Variants in ZNF141 observed in about 807,000 individuals in gnomAD.
ZNF141 encodes zinc finger protein 141 (clone pHZ-44).
Under a neutral mutation model 11.3 loss-of-function variants are expected in ZNF141, and 7 were observed. That is an observed-to-expected ratio of 0.62 (90% CI 0.35 to 1.16). The LOEUF (loss-of-function observed/expected upper bound fraction) is 1.16, where lower values mean the gene tolerates loss of function less well. Ranked by LOEUF, ZNF141 falls within the 50% of genes most tolerant of loss-of-function variation. The pLI is 0.02. For missense variants in ZNF141, 535 were observed against 554.0 expected (o/e 0.97, Z 0.34); for synonymous variants, 183 against 190.7 (o/e 0.96, Z 0.33).
intron 3 of ZNF141, among the ~76,000 whole-genome samples, chr4:344,963 G>A (rs868980254): frequency 5.3e-5 from 8 of 152,240 alleles, no homozygotes; most frequent in Middle Eastern, 3.4e-3. Context: ...CTCCCTTTAA[G>A]TTTACAGGGA....
chr4:362,598 C>T (rs537463414), intron 3 of ZNF141, among the ~76,000 whole-genome samples: 1 of 152,316 alleles, frequency 6.6e-6, no homozygotes, highest in East Asian at 1.9e-4. Context: ...TTACATATGG[C>T]TAGCCAGTTT....
At chr4:345,113 G>A (rs1381242377) in intron 3 of ZNF141, among the ~76,000 whole-genome samples, 29 of 152,106 alleles carry the variant, frequency 1.9e-4, no homozygotes, top group African/African-American at 6.3e-4. Context: ...TTCGTATTAT[G>A]TCTAAAATGT....
In ZNF141 at chr4:380,524, C is replaced by T. The variant is rs546851271; in HGVS notation, c.*6662C>T. Among the ~76,000 whole-genome samples the T allele has an allele frequency of 1.9e-4, 29 of 151,876 alleles. No homozygotes were observed. The highest frequency in any genetic ancestry group is 1.1e-3 in the Admixed American group (17 of 15,246). On this transcript the variant is annotated 3_prime_UTR_variant, in exon 4 of 4. Transcript: ENST00000240499. ...AAAATTAGCTGGGTGTGGTGTCAGG[C>T]GCCTGTAATCCCAGCTACTCAAGAG...
Position 339,227 on chromosome 4 carries a change from C to T in ZNF141, c.3+1241C>T, listed in dbSNP as rs1295364920. Among the ~76,000 whole-genome samples the T allele has an allele frequency of 2.0e-5, 3 of 152,210 alleles. No homozygotes were observed. The East Asian group carries it at 5.8e-4, about 29-fold the overall frequency. On this transcript the variant is annotated intron_variant, in intron 1 of 3. Coordinates refer to ENST00000240499, the MANE Select transcript of ZNF141 (RefSeq NM_003441.4). ...GAAGACTCCTGGTTCATTTTAACCC[C>T]AGATCTGTAGCAGGAATCTGTTTTC...
At position 381,400 on chromosome 4, in the gene ZNF141, C is replaced by CTTTTTTTTT. The variant is rs34721227; in HGVS notation, c.*7556_*7564dup. Among the ~76,000 whole-genome samples the CTTTTTTTTT allele has an allele frequency of 6.8e-4, 52 of 76,946 alleles. 4 individuals are homozygous for CTTTTTTTTT. Among genetic ancestry groups the CTTTTTTTTT allele is most frequent in the African/African-American group, 2.9e-3 (48 of 16,448 alleles). 50.5% of individuals were successfully genotyped at this position (76,946 alleles called of 152,430 possible). On this transcript the variant is annotated 3_prime_UTR_variant, in exon 4 of 4. Transcript: ENST00000240499. ...CTATTTAATACAGACTTCAAATGTG[C>CTTTTTTTTT]TTTTTTTTTTTTTTTTTTTTTTTTT...
intron 3 of ZNF141, among the ~76,000 whole-genome samples, chr4:347,033 T>C (rs1348932629): frequency 7.2e-6 from 1 of 139,122 alleles, no homozygotes; most frequent in South Asian, 2.3e-4. Flanking sequence ...TACTTCTAGT[T>C]TTATTCTTTT....
At chr4:353,943 C>T (rs779157145) in intron 3 of ZNF141, among the ~76,000 whole-genome samples, 8 of 152,176 alleles carry the variant, frequency 5.3e-5, no homozygotes, top group Non-Finnish European at 1.0e-4. Flanking sequence ...AATGGTATGG[C>T]CGTGCTTCTC....
intron 3 of ZNF141, among the ~76,000 whole-genome samples, chr4:351,762 G>C (rs1553850478): frequency 6.6e-6 from 1 of 152,076 alleles, no homozygotes; most frequent in Non-Finnish European, 1.5e-5. Flanking sequence ...CAATAGCCCC[G>C]TAATGTGTTG....
chr4:355,449 T>G (rs1469927737), intron 3 of ZNF141, among the ~76,000 whole-genome samples: 2 of 152,144 alleles, frequency 1.3e-5, no homozygotes, highest in Non-Finnish European at 2.9e-5. Flanking sequence ...CAGGTGATTC[T>G]GCTGCCTGGG....
rs34905613 is a variant in ZNF141 at position 381,946 on chromosome 4, C to CTTTT, written c.*8100_*8103dup. 1.8e-4 allele frequency among the ~76,000 whole-genome samples: 19 copies of CTTTT among 105,930 alleles called. 1 individual carries two copies. Among genetic ancestry groups the CTTTT allele is most frequent in the South Asian group, 1.3e-3 (4 of 3,100 alleles). The allele number at this position is 105,930 out of a possible 152,430, so 69.5% of individuals were successfully genotyped here. The stretch of plus-strand genomic sequence containing the variant: ...CTAGGGCCACCACCATCTCTGGGAA[C>CTTTT]TTTTTTTTTTTTTTTTTTTGAGACG... On this transcript the variant is annotated 3_prime_UTR_variant, in exon 4 of 4. Transcript: ENST00000240499.
intron 3 of ZNF141, among the ~76,000 whole-genome samples, chr4:372,055 G>A (rs963723351): frequency 5.9e-5 from 9 of 152,142 alleles, no homozygotes; most frequent in Non-Finnish European, 1.3e-4. Context: ...CTGGAATTTT[G>A]TGTTTATTTT....
chr4:370,630 G>T (rs1712008474), intron 3 of ZNF141, among the ~76,000 whole-genome samples: 1 of 152,010 alleles, frequency 6.6e-6, no homozygotes, highest in African/African-American at 2.4e-5. Flanking sequence ...CTTTTATCTT[G>T]CCGCTTCTAA....
rs577048362 is a variant in ZNF141, at chr4:370,125, C to A, written c.227-2539C>A. Among the ~76,000 whole-genome samples the A allele has an allele frequency of 3.2e-4, 49 of 152,176 alleles. No individual in the cohort carries two copies. In the South Asian group the frequency reaches 9.5e-3, roughly 30 times the overall value. Reference sequence around the variant, plus strand: ...TGAATTGCATTTGAAAATTCTTCCTCTTTACATCTGCCCTGAATGTTGTTA... The same window carrying A: ...TGAATTGCATTTGAAAATTCTTCCTATTTACATCTGCCCTGAATGTTGTTA... On this transcript the variant is annotated intron_variant, in intron 3 of 3. Transcript: ENST00000240499.
At chr4:369,183 A>T (rs1234235551) in intron 3 of ZNF141, among the ~76,000 whole-genome samples, 2 of 152,162 alleles carry the variant, frequency 1.3e-5, no homozygotes, top group African/African-American at 4.8e-5. Context: ...ACACTCACAC[A>T]CACACATTAA....
In ZNF141 at chr4:376,406, G is replaced by C. The variant is rs1257278670; in HGVS notation, c.*2544G>C. On this transcript the variant is annotated 3_prime_UTR_variant, in exon 4 of 4. Transcript: ENST00000240499. The stretch of plus-strand genomic sequence containing the variant: ...CAGGCATACAACATGTAATATACCA[G>C]AGTAAATGAGTTATTCATCACCTCA... 6.6e-6 allele frequency among the ~76,000 whole-genome samples: 1 copy of C among 151,930 alleles called. No homozygotes were observed. The highest frequency in any genetic ancestry group is 2.4e-5 in the African/African-American group (1 of 41,394).
At position 373,134 on chromosome 4, in the gene ZNF141, G is replaced by A; in HGVS notation, c.697G>A (p.Gly233Ser). 1 of 1,613,860 alleles carries A rather than the reference G, an allele frequency of 6.2e-7. No homozygotes were observed. The highest frequency in any genetic ancestry group is 8.5e-7 in the Non-Finnish European group (1 of 1,179,968). ...GAAACCTTTTACTTGTGAAGAATGT[G>A]GCAGCATCTTTACCACATCCTCACA... is the stretch of plus-strand genomic sequence containing the variant. ...GEKPFTCEEC[G>S]SIFTTSSHFA... Residue 233 changes from glycine (G) to serine (S), a missense_variant, in exon 4 of 4, where the codon GGC becomes AGC. Physicochemically the swap from Gly to Ser is moderately conservative, Grantham distance 56. Coordinates refer to ENST00000240499, the MANE Select transcript of ZNF141 (RefSeq NM_003441.4).
At chr4:368,394 A>G (rs545137881) in intron 3 of ZNF141, among the ~76,000 whole-genome samples, 28 of 152,148 alleles carry the variant, frequency 1.8e-4, no homozygotes, top group Middle Eastern at 3.4e-3. Context: ...GACGTGCACC[A>G]CCACACCCAT....
Position 373,681 on chromosome 4 carries a change from A to T in ZNF141, c.1244A>T (p.Lys415Ile), listed in dbSNP as rs1712205501. 6.2e-7 allele frequency: 1 copy of T among 1,614,064 alleles called. No individual in the cohort carries two copies. Among genetic ancestry groups the T allele is most frequent in the Admixed American group, 1.7e-5 (1 of 60,008 alleles). ...TCCACAGATCGGAGTCAACATAAGA[A>T]AATTCATAGTGCAGATAAACCCTAC... Reference protein sequence around the residue: ...RRSTDRSQHKKIHSADKPYKC... With the variant: ...RRSTDRSQHKIIHSADKPYKC... Residue 415 changes from lysine (K) to isoleucine (I), a missense_variant, in exon 4 of 4, where the codon AAA becomes ATA. Coordinates refer to ENST00000240499, the MANE Select transcript of ZNF141 (RefSeq NM_003441.4).
intron 3 of ZNF141, among the ~76,000 whole-genome samples, chr4:348,199 T>A (rs967995162): frequency 1.3e-5 from 2 of 152,208 alleles, no homozygotes; most frequent in Admixed American, 1.3e-4. Context: ...GTAGGGTTTT[T>A]AAAAATTTTG....
Sources: gnomAD v4.1 joint callset for allele counts (sites outside exome capture counted in the v4.1 genomes callset) on GRCh38, gnomAD v4.1.1 for gene constraint, MANE v1.5 for transcripts, NCBI Gene and HGNC (gene_info 2026-07-23, HGNC 2026-07-21) for gene names.